The following SPATA31H1 variants were observed in gnomAD, a reference collection of about 807,000 sequenced individuals.
SPATA31H1 encodes the protein spermatogenesis-associated protein 31H1.
chr2:27,566,617 G>T, the SPATA31H1 span: 15 of 580,210 alleles, frequency 2.6e-5, no homozygotes, highest in South Asian at 2.2e-4. Flanking sequence ...GTTGGGGAAA[G>T]AAACTTTTTT....
the SPATA31H1 span, among the ~76,000 whole-genome samples, chr2:27,553,426 G>C: frequency 1.3e-5 from 2 of 151,994 alleles, no homozygotes; most frequent in African/African-American, 2.4e-5. Context: ...CACATATACT[G>C]ATCTCCTTAT....
the SPATA31H1 span, chr2:27,575,395 C>G: frequency 2.5e-6 from 1 of 398,346 alleles, no homozygotes; most frequent in African/African-American, 2.1e-5. The surrounding 1 kb of genome is among the most constrained non-coding windows in gnomAD (Gnocchi z 4.1). Context: ...GAATTATGCA[C>G]AGGGACAAAG....
At chr2:27,548,846 T>C in the SPATA31H1 span, among the ~76,000 whole-genome samples, 3 of 151,190 alleles carry the variant, frequency 2.0e-5, no homozygotes, top group African/African-American at 7.3e-5. Flanking sequence ...GCCGAGGTGC[T>C]TGGATCACTT....
the SPATA31H1 span, among the ~76,000 whole-genome samples, chr2:27,539,814 G>C: frequency 1.4e-5 from 1 of 73,878 alleles, no homozygotes; most frequent in Non-Finnish European, 2.5e-5. Flanking sequence ...AGTAGGGGCG[G>C]CCGGGCAGAG....
the SPATA31H1 span, among the ~76,000 whole-genome samples, chr2:27,554,602 C>A: frequency 7.5e-6 from 1 of 132,628 alleles, no homozygotes; most frequent in Non-Finnish European, 1.6e-5. Context: ...GAGACAGAGT[C>A]TTGCTCTGTT....
chr2:27,549,103 G>T, the SPATA31H1 span, among the ~76,000 whole-genome samples: 2 of 150,942 alleles, frequency 1.3e-5, no homozygotes, highest in African/African-American at 2.4e-5. Flanking sequence ...AAAGAAATGG[G>T]TTATTTGTCC....
chr2:27,553,681 G>A, the SPATA31H1 span, among the ~76,000 whole-genome samples: 1 of 152,010 alleles, frequency 6.6e-6, no homozygotes, highest in African/African-American at 2.4e-5. Flanking sequence ...CAGCACTTTG[G>A]GAGGCTGAGG....
the SPATA31H1 span, among the ~76,000 whole-genome samples, chr2:27,558,834 G>A: frequency 8.7e-6 from 1 of 114,988 alleles, no homozygotes; most frequent in Non-Finnish European, 1.8e-5. Context: ...AGGTTGCAGT[G>A]AGCCGAGATG....
the SPATA31H1 span, among the ~76,000 whole-genome samples, chr2:27,545,152 A>G: frequency 6.6e-6 from 1 of 151,698 alleles, no homozygotes; most frequent in Non-Finnish European, 1.5e-5. Flanking sequence ...CCTCCCAAGT[A>G]GCTGGGACTA....
At chr2:27,575,591 T>A in the SPATA31H1 span, 2 of 398,380 alleles carry the variant, frequency 5.0e-6, no homozygotes, top group East Asian at 7.1e-5. The surrounding 1 kb of genome is among the most constrained non-coding windows in gnomAD (Gnocchi z 4.1). Context: ...GTATAAAATC[T>A]AAGGTGTTCT....
At chr2:27,546,095 G>T in the SPATA31H1 span, among the ~76,000 whole-genome samples, 1 of 151,924 alleles carries the variant, frequency 6.6e-6, no homozygotes, top group Non-Finnish European at 1.5e-5. Context: ...TGAGTCCTTT[G>T]CCAGATAAAG....
the SPATA31H1 span, chr2:27,573,845 T>C: frequency 2.5e-6 from 1 of 398,490 alleles, no homozygotes; most frequent in Non-Finnish European, 4.4e-6. Context: ...GTGATAAAAC[T>C]GTAGCGCTGA....
At chr2:27,548,609 A>G in the SPATA31H1 span, among the ~76,000 whole-genome samples, 4 of 146,236 alleles carry the variant, frequency 2.7e-5, no homozygotes, top group South Asian at 8.5e-4. Flanking sequence ...CCCTGTTTCA[A>G]AAAAAAAAAA....
the SPATA31H1 span, chr2:27,575,766 A>C: frequency 2.5e-6 from 1 of 398,560 alleles, no homozygotes; most frequent in Non-Finnish European, 4.4e-6. The surrounding 1 kb of genome is among the most constrained non-coding windows in gnomAD (Gnocchi z 4.1). Context: ...TAATGGGTGC[A>C]TCCCTGGGCC....
chr2:27,555,638 C>T, the SPATA31H1 span, among the ~76,000 whole-genome samples: 1 of 151,806 alleles, frequency 6.6e-6, no homozygotes, highest in African/African-American at 2.4e-5. Context: ...TGTGTCACCG[C>T]ACTGCAGTGC....
chr2:27,581,370 A>G, the SPATA31H1 span: 1 of 1,613,736 alleles, frequency 6.2e-7, no homozygotes, highest in Non-Finnish European at 8.5e-7. Context: ...AAACCATTCC[A>G]GTCCTTCTGA....
the SPATA31H1 span, among the ~76,000 whole-genome samples, chr2:27,560,727 G>A: frequency 6.6e-6 from 1 of 152,270 alleles, no homozygotes; most frequent in East Asian, 1.9e-4. Flanking sequence ...AAAGTGCTGG[G>A]ATTAACAGGT....
At chr2:27,555,509 A>T in the SPATA31H1 span, among the ~76,000 whole-genome samples, 3 of 151,844 alleles carry the variant, frequency 2.0e-5, no homozygotes, top group African/African-American at 7.3e-5. Context: ...CCATCTCTCC[A>T]AAAACCAAAA....
chr2:27,541,411 A>G, the SPATA31H1 span, among the ~76,000 whole-genome samples: 86,349 of 150,232 alleles, frequency 0.57, 25,668 homozygotes, highest in East Asian at 0.85. Context: ...AGGGGGAGAG[A>G]GAGAGGGGAG....
Sources: allele counts gnomAD v4.1 joint callset (sites outside exome capture counted in the v4.1 genomes callset), GRCh38; gene constraint gnomAD v4.1.1; non-coding constraint Gnocchi (gnomAD v3.1); transcripts MANE v1.5; gene names NCBI Gene and HGNC (gene_info 2026-07-23, HGNC 2026-07-21).